Variants in NRG3 observed in about 807,000 individuals in gnomAD.
NRG3 encodes the protein neuregulin 3, also known as pro-neuregulin-3, membrane-bound isoform.
A neutral mutation model predicts 66.9 loss-of-function variants in NRG3; 31 were observed. That is an observed-to-expected ratio of 0.46 (90% CI 0.35 to 0.63). The LOEUF (loss-of-function observed/expected upper bound fraction) is 0.63. Ranked by LOEUF, NRG3 falls within the 20% of genes least tolerant of loss-of-function variation. NRG3 has a pLI of 0.00. For missense variants in NRG3, 910 were observed against 878.9 expected (o/e 1.04, Z -0.45); for synonymous variants, 393 against 359.4 (o/e 1.09, Z -1.06).
chr10:82,782,707 G>A (rs2060169351), intron 3 of NRG3, among the ~76,000 whole-genome samples: 1 of 151,894 alleles, frequency 6.6e-6, no homozygotes, highest in Non-Finnish European at 1.5e-5. Context: ...AAAAAGACAA[G>A]AACTTTCAAC....
Position 82,715,175 on chromosome 10 carries a change from G to A in NRG3, c.954-23402G>A, listed in dbSNP as rs185277186. Among the ~76,000 whole-genome samples the A allele has an allele frequency of 1.5e-3, 223 of 152,146 alleles. 1 individual carries two copies. Among genetic ancestry groups the A allele is most frequent in the Admixed American group, 2.9e-3 (44 of 15,296 alleles). The stretch of plus-strand genomic sequence containing the variant: ...TTTGGGAGACTGCAGTAGGTGGATC[G>A]CTTGAGGCCAGGAGTTCGAGACCAG... On this transcript the variant is annotated intron_variant, in intron 2 of 8. Coordinates refer to ENST00000372141, the MANE Select transcript of NRG3 (RefSeq NM_001010848.4).
At chr10:82,773,189 T>C (rs940251898) in intron 3 of NRG3, among the ~76,000 whole-genome samples, 1 of 152,200 alleles carries the variant, frequency 6.6e-6, no homozygotes, top group Non-Finnish European at 1.5e-5. Flanking sequence ...GCTATACTAA[T>C]CTACATTCCC....
At chr10:82,958,581 C>A (rs538754167) in intron 5 of NRG3, among the ~76,000 whole-genome samples, 1 of 152,210 alleles carries the variant, frequency 6.6e-6, no homozygotes, top group East Asian at 1.9e-4. Context: ...GTCATATGTA[C>A]CTGCTAAGCC....
intron 3 of NRG3, among the ~76,000 whole-genome samples, chr10:82,836,528 A>T (rs1309679549): frequency 6.6e-6 from 1 of 152,002 alleles, no homozygotes; most frequent in Non-Finnish European, 1.5e-5. Flanking sequence ...GGCAGAAAAA[A>T]CTTCAATAAC....
intron 1 of NRG3, among the ~76,000 whole-genome samples, chr10:82,192,199 A>T (rs2074186239): frequency 6.6e-6 from 1 of 152,200 alleles, no homozygotes; most frequent in African/African-American, 2.4e-5. Flanking sequence ...GATTCTTCCC[A>T]GCAGAAAACG....
intron 1 of NRG3, among the ~76,000 whole-genome samples, chr10:82,239,322 A>G (rs1251509445): frequency 3.3e-5 from 5 of 151,944 alleles, no homozygotes; most frequent in Non-Finnish European, 5.9e-5. Flanking sequence ...TGCCTGGAAA[A>G]TTTTTGTATT....
At chr10:82,900,104 AAG>A (rs892113552) in intron 4 of NRG3, among the ~76,000 whole-genome samples, 2 of 152,152 alleles carry the variant, frequency 1.3e-5, no homozygotes, top group Non-Finnish European at 2.9e-5. Context: ...GAGCAGGAGC[AAG>A]AGAGAGTGGT....
chr10:82,884,761 G>T (rs1399413956), intron 4 of NRG3, among the ~76,000 whole-genome samples: 3 of 152,164 alleles, frequency 2.0e-5, no homozygotes, highest in Admixed American at 6.5e-5. Context: ...ATACTGCAAA[G>T]ACATGAATGA....
At chr10:82,132,577 A>G (rs1362571122) in intron 1 of NRG3, among the ~76,000 whole-genome samples, 5 of 79,442 alleles carry the variant, frequency 6.3e-5, no homozygotes, top group Non-Finnish European at 1.4e-4. Flanking sequence ...TCAGAGTAAT[A>G]CGGGCCTAAT....
At chr10:82,336,529 C>A (rs574031125) in intron 1 of NRG3, among the ~76,000 whole-genome samples, 3 of 137,826 alleles carry the variant, frequency 2.2e-5, no homozygotes, top group Non-Finnish European at 4.7e-5. Flanking sequence ...CTTTTCTTTT[C>A]TTTTTTTTTT....
intron 1 of NRG3, among the ~76,000 whole-genome samples, chr10:82,177,696 C>A (rs2133187819): frequency 6.6e-6 from 1 of 152,276 alleles, no homozygotes; most frequent in Non-Finnish European, 1.5e-5. Context: ...ACCTCAGCCT[C>A]ACGGGTAGCT....
chr10:82,666,058 C>T (rs890938237), intron 2 of NRG3, among the ~76,000 whole-genome samples: 3 of 152,238 alleles, frequency 2.0e-5, no homozygotes, highest in African/African-American at 4.8e-5. Context: ...GACAGGGTTT[C>T]GCCAGGCTGG....
chr10:82,955,394 T>C (rs1192648223), intron 5 of NRG3, among the ~76,000 whole-genome samples: 1 of 151,986 alleles, frequency 6.6e-6, no homozygotes, highest in African/African-American at 2.4e-5. Context: ...GAACTATTAA[T>C]TGAGCCTGTC....
At chr10:82,666,708 G>T (rs1225785542) in intron 2 of NRG3, among the ~76,000 whole-genome samples, 1 of 152,184 alleles carries the variant, frequency 6.6e-6, no homozygotes, top group East Asian at 1.9e-4. Context: ...ACAAACTGCA[G>T]ATCTGACTTC....
chr10:82,054,183 A>G (rs35905732), intron 1 of NRG3, among the ~76,000 whole-genome samples: 36,631 of 152,022 alleles, frequency 0.24, 4,534 homozygotes, highest in Middle Eastern at 0.33. Context: ...TAAAAGGATT[A>G]CTCTAGTTGT....
intron 1 of NRG3, among the ~76,000 whole-genome samples, chr10:82,132,799 T>G (rs1388176876): frequency 6.6e-6 from 1 of 151,494 alleles, no homozygotes; most frequent in African/African-American, 2.4e-5. Context: ...GTTTCAATCT[T>G]GGTAGGTTGT....
intron 1 of NRG3, among the ~76,000 whole-genome samples, chr10:82,012,318 A>G (rs114073832): frequency 0.03 from 4,535 of 151,938 alleles, 238 homozygotes; most frequent in African/African-American, 0.1. Context: ...CTAGGCTACA[A>G]AGAGCAGGGG....
At chr10:81,911,723 G>A (rs564779234) in intron 1 of NRG3, among the ~76,000 whole-genome samples, 1,532 of 129,584 alleles carry the variant, frequency 0.012, 33 homozygotes, top group African/African-American at 0.043. Flanking sequence ...ACCTTTCCCC[G>A]TTACCACACA....
At chr10:81,964,077 A>G (rs2059633491) in intron 1 of NRG3, among the ~76,000 whole-genome samples, 1 of 152,114 alleles carries the variant, frequency 6.6e-6, no homozygotes, top group South Asian at 2.1e-4. Flanking sequence ...CCATTTTCCC[A>G]TGCTAATCCC....
Sources: allele counts gnomAD v4.1 joint callset (sites outside exome capture counted in the v4.1 genomes callset), GRCh38; gene constraint gnomAD v4.1.1; transcripts MANE v1.5; gene names NCBI Gene and HGNC (gene_info 2026-07-23, HGNC 2026-07-21).